The following PHIP variants were observed in gnomAD, a reference collection of about 807,000 sequenced individuals.
The protein encoded by PHIP is PHIP subunit of CUL4-Ring ligase complex, also known as PH-interacting protein.
Under a neutral mutation model 236.8 loss-of-function variants are expected in PHIP, and 54 were observed. That is an observed-to-expected ratio of 0.23 (90% CI 0.18 to 0.29). The LOEUF (loss-of-function observed/expected upper bound fraction) is 0.29, where lower values mean the gene tolerates loss of function less well. Ranked by LOEUF, PHIP falls within the 10% of genes least tolerant of loss-of-function variation. PHIP has a pLI of 1.00. For missense variants in PHIP, 1,370 were observed against 2,190.8 expected (o/e 0.63, Z 7.48); for synonymous variants, 756 against 718.9 (o/e 1.05, Z -0.83).
At chr6:79,053,905 T>C (rs1772929126) in intron 6 of PHIP, among the ~76,000 whole-genome samples, 1 of 152,034 alleles carries the variant, frequency 6.6e-6, no homozygotes, top group Non-Finnish European at 1.5e-5. Flanking sequence ...TAAAAACAAA[T>C]GTTATCCTAT....
chr6:78,975,951 A>G lies in PHIP; in HGVS notation c.2889+2641T>C, dbSNP rs1287038208. ...TATTGTGAAAATGGCCATACTGCCC[A>G]AGGTAATTTACAGATTCAATGCCAT... is the stretch of plus-strand genomic sequence containing the variant. On this transcript the variant is annotated intron_variant, in intron 24 of 39. Coordinates refer to ENST00000275034, the MANE Select transcript of PHIP (RefSeq NM_017934.7). 2.6e-5 allele frequency among the ~76,000 whole-genome samples: 4 copies of G among 151,516 alleles called. No homozygotes were observed. The East Asian group carries it at 7.8e-4, about 30-fold the overall frequency.
At chr6:79,012,114 A>C (rs1432624175) in intron 15 of PHIP, among the ~76,000 whole-genome samples, 1 of 151,714 alleles carries the variant, frequency 6.6e-6, no homozygotes, top group Non-Finnish European at 1.5e-5. Flanking sequence ...ATAATTACAC[A>C]AAAAATGCAG....
At chr6:78,990,753 G>T in intron 20 of PHIP, 115 bp downstream of exon 20, 1 of 537,516 alleles carries the variant, frequency 1.9e-6, no homozygotes, top group Non-Finnish European at 3.3e-6. Flanking sequence ...GATTTACTAT[G>T]TTAATTTTTA....
At chr6:79,063,912 T>C (rs539654330) in intron 4 of PHIP, among the ~76,000 whole-genome samples, 2 of 152,288 alleles carry the variant, frequency 1.3e-5, no homozygotes, top group South Asian at 2.1e-4. Flanking sequence ...AAAGGGTCTC[T>C]GGAAAGAACA....
Position 79,077,933 on chromosome 6 carries a change from G to A in PHIP, c.41-20C>T, listed in dbSNP as rs772142946. On this transcript the variant is annotated intron_variant, in intron 1 of 39. Transcript: ENST00000275034. The stretch of plus-strand genomic sequence containing the variant: ...AGAGCTCTGCGCGGGAGAGAGGGAC[G>A]GGGAGACACACAGGCTGAGCGGTCG... 3.1e-6 allele frequency: 5 copies of A among 1,593,484 alleles called. No homozygotes were observed. The highest frequency in any genetic ancestry group is 2.3e-5 in the East Asian group (1 of 43,982).
chr6:79,027,177 T>C (rs1242680502), intron 7 of PHIP, among the ~76,000 whole-genome samples: 1 of 152,108 alleles, frequency 6.6e-6, no homozygotes, highest in Non-Finnish European at 1.5e-5. Context: ...ATATAACATA[T>C]AAATCATCAT....
At chr6:79,000,829 C>A (rs926237330) in intron 17 of PHIP, among the ~76,000 whole-genome samples, 1 of 152,082 alleles carries the variant, frequency 6.6e-6, no homozygotes, top group African/African-American at 2.4e-5. Context: ...CCAGATAAGT[C>A]CACTGGACTG....
chr6:78,935,616 C>T lies in PHIP; in HGVS notation c.*5077G>A. ...TTTATTAAATGTACACATAAAAAGGCATATAAGTTTTTGACCTTCAGTTGT... is the reference window on the plus strand; with the variant it reads ...TTTATTAAATGTACACATAAAAAGGTATATAAGTTTTTGACCTTCAGTTGT... On this transcript the variant is annotated 3_prime_UTR_variant, in exon 40 of 40. Transcript: ENST00000275034. The T allele has an allele frequency of 2.0e-6, 2 of 980,140 alleles. No individual in the cohort carries two copies. Among genetic ancestry groups the T allele is most frequent in the Non-Finnish European group, 2.4e-6 (2 of 825,148 alleles). 60.7% of individuals were successfully genotyped at this position (980,140 alleles called of 1,614,324 possible).
At chr6:78,998,570 T>C (rs1459363896) in intron 17 of PHIP, among the ~76,000 whole-genome samples, 179 bp from the exon 18 acceptor site, 1 of 152,192 alleles carries the variant, frequency 6.6e-6, no homozygotes, top group East Asian at 1.9e-4. Flanking sequence ...TCTGTCCATC[T>C]TAGTTTATCA....
chr6:79,036,024 G>A (rs1255534521), intron 7 of PHIP, among the ~76,000 whole-genome samples: 2 of 151,994 alleles, frequency 1.3e-5, no homozygotes, highest in African/African-American at 2.4e-5. Flanking sequence ...GAAACATTAC[G>A]GTAAGGAATA....
rs1420148948 is a variant in PHIP, at chr6:78,940,050, TTTCCC to T, written c.*638_*642del. 2.6e-5 allele frequency: 3 copies of T among 116,608 alleles called. No individual in the cohort carries two copies. The Admixed American group carries it at 3.0e-4, about 12-fold the overall frequency. 7.2% of individuals were successfully genotyped at this position (116,608 alleles called of 1,614,324 possible). On this transcript the variant is annotated 3_prime_UTR_variant, in exon 40 of 40. Transcript: ENST00000275034. ...TCAAATGTTTTCCAATGTGGATATG[TTTCCC>T]TTCATCAGTACATTTTCTCTTGTTT...
At position 78,936,470 on chromosome 6, in the gene PHIP, A is replaced by T. The variant is rs1326035468; in HGVS notation, c.*4223T>A. On this transcript the variant is annotated 3_prime_UTR_variant, in exon 40 of 40. Transcript: ENST00000275034. Reference sequence around the variant, plus strand: ...AATCAACACACACAATCTTAAAGTAACCAGCATGTGTGCATCTGCCTTATA... The same window carrying T: ...AATCAACACACACAATCTTAAAGTATCCAGCATGTGTGCATCTGCCTTATA... 1.3e-5 allele frequency: 2 copies of T among 151,904 alleles called. No individual in the cohort carries two copies. The highest frequency in any genetic ancestry group is 4.8e-5 in the African/African-American group (2 of 41,448). The allele number at this position is 151,904 out of a possible 1,614,324, so 9.4% of individuals were successfully genotyped here.
chr6:78,968,069 A>G (rs1250591860), intron 27 of PHIP, among the ~76,000 whole-genome samples: 1 of 152,112 alleles, frequency 6.6e-6, no homozygotes, highest in East Asian at 1.9e-4. Context: ...TGGGAGGTGG[A>G]ACTTGCAGTG....
In PHIP at chr6:79,000,067, C is replaced by CT. The variant is rs1469967045; in HGVS notation, c.1880-1677dup. 2.0e-5 allele frequency among the ~76,000 whole-genome samples: 3 copies of CT among 152,052 alleles called. No homozygotes were observed. The East Asian group carries it at 5.8e-4, about 29-fold the overall frequency. On this transcript the variant is annotated intron_variant, in intron 17 of 39. Coordinates refer to ENST00000275034, the MANE Select transcript of PHIP (RefSeq NM_017934.7). ...AACTCAAATCTATTTTTCCCTAACT[C>CT]TGAGAGATTTCCCAGAATAAATTTT...
At chr6:78,975,983 C>G (rs1022311932) in intron 24 of PHIP, among the ~76,000 whole-genome samples, 1 of 151,786 alleles carries the variant, frequency 6.6e-6, no homozygotes, top group African/African-American at 2.4e-5. Flanking sequence ...CCATCCCCAT[C>G]AAGCTACCAA....
chr6:78,966,767 G>A (rs1286557730), intron 27 of PHIP, among the ~76,000 whole-genome samples: 2 of 152,170 alleles, frequency 1.3e-5, no homozygotes, highest in Non-Finnish European at 2.9e-5. Context: ...TGTGTCATAA[G>A]AAAACTGTAA....
At chr6:78,963,015 ATTTTT>A in intron 30 of PHIP, 77 bp downstream of exon 30, 1 of 1,347,960 alleles carries the variant, frequency 7.4e-7, no homozygotes, top group Non-Finnish European at 1.0e-6. Context: ...GTGAAAAAAA[ATTTTT>A]GTTGGAGAAT....
At chr6:79,022,958 T>C (rs1771194997) in intron 9 of PHIP, among the ~76,000 whole-genome samples, 1 of 152,240 alleles carries the variant, frequency 6.6e-6, no homozygotes, top group South Asian at 2.1e-4. Flanking sequence ...TTAAATCCTA[T>C]GTGACATAAA....
At chr6:79,001,864 AG>A (rs1428504251) in intron 17 of PHIP, 34 bp downstream of exon 17, 1 of 1,406,442 alleles carries the variant, frequency 7.1e-7, no homozygotes, top group East Asian at 2.3e-5. Context: ...GGTGGGAAGA[AG>A]AAAATTTGAT....
Sources: allele counts gnomAD v4.1 joint callset (sites outside exome capture counted in the v4.1 genomes callset), GRCh38; gene constraint gnomAD v4.1.1; transcripts MANE v1.5; gene names NCBI Gene and HGNC (gene_info 2026-07-23, HGNC 2026-07-21).